FBRSL1: variants seen among roughly 807,000 people sequenced by gnomAD.
FBRSL1 encodes the protein fibrosin like 1, also known as fibrosin-1-like protein.
FBRSL1 carries 51 observed loss-of-function variants against 89.6 expected under a neutral mutation model. The ratio of observed to expected loss-of-function variants is 0.57; its 90% CI spans 0.45 to 0.72. FBRSL1 has a LOEUF of 0.72. Ranked by LOEUF, FBRSL1 falls within the 30% of genes least tolerant of loss-of-function variation. The pLI, the probability that FBRSL1 is intolerant of heterozygous loss-of-function variation, is 0.00. For synonymous variants in FBRSL1, 779 were observed against 681.1 expected (o/e 1.14, Z -2.24); for missense variants, 1,618 against 1,451.8 (o/e 1.11, Z -1.86).
At chr12:132,571,725 G>A (rs1002635434) in intron 9 of FBRSL1, 199 of 378,428 alleles carry the variant, frequency 5.3e-4, no homozygotes, top group Non-Finnish European at 1.5e-4. Flanking sequence ...CCCCACCCTC[G>A]GCAGTGGTCC....
rs1251071159 is a variant in FBRSL1, at chr12:132,583,209, G to A, written c.2440G>A (p.Val814Ile). 1.1e-5 allele frequency: 16 copies of A among 1,436,994 alleles called. No individual in the cohort carries two copies. Among genetic ancestry groups the A allele is most frequent in the Admixed American group, 2.6e-5 (1 of 38,344 alleles). 89.0% of individuals were successfully genotyped at this position (1,436,994 alleles called of 1,614,324 possible). The change falls in exon 19 of 19, where the codon GTC (valine) becomes ATC (isoleucine). Residue 814 changes from valine (V) to isoleucine (I), a missense_variant. By Grantham distance (29) the Val-to-Ile change is conservative. Coordinates refer to ENST00000680143, the MANE Select transcript of FBRSL1 (RefSeq NM_001367871.1). ...CAAGGCGGCCCCTGGAGACGTGAAGGTCAAGGAGGAGCGCGGGGAGGACGA... is the reference window on the plus strand; with the variant it reads ...CAAGGCGGCCCCTGGAGACGTGAAGATCAAGGAGGAGCGCGGGGAGGACGA... Reference protein sequence around the residue: ...HSKAAPGDVKVKEERGEDEAS... With the variant: ...HSKAAPGDVKIKEERGEDEAS...
At chr12:132,574,288 C>G (rs957836232) in intron 12 of FBRSL1, 31 bp from the exon 13 acceptor site, 4 of 1,510,754 alleles carry the variant, frequency 2.6e-6, no homozygotes, top group Non-Finnish European at 3.5e-6. Flanking sequence ...CTGAGGGGCC[C>G]GGACCTCACA....
rs1237396256 is a variant in FBRSL1 at position 132,510,529 on chromosome 12, C to T, written c.489+2179C>T. 8.1e-6 allele frequency: 10 copies of T among 1,231,498 alleles called. No homozygotes were observed. The East Asian group carries it at 9.5e-5, about 12-fold the overall frequency. 76.3% of individuals were successfully genotyped at this position (1,231,498 alleles called of 1,614,324 possible). ...CTGGCAGGGCCCCAAGGGCCAAGGC[C>T]GCATTGCCCTTCGGGCTGGAGATGC... On this transcript the variant is annotated intron_variant, in intron 2 of 18. Transcript: ENST00000680143.
rs1254162213 is a variant in FBRSL1, at chr12:132,584,016, A to AGAAGT, written c.*240_*244dup. 4 of 237,210 alleles carry AGAAGT rather than the reference A, an allele frequency of 1.7e-5. No individual in the cohort carries two copies. Among genetic ancestry groups the AGAAGT allele is most frequent in the African/African-American group, 9.2e-5 (4 of 43,710 alleles). The allele number at this position is 237,210 out of a possible 1,614,324, so 14.7% of individuals were successfully genotyped here. On this transcript the variant is annotated 3_prime_UTR_variant, in exon 19 of 19. Transcript: ENST00000680143. ...TTTGTACCTTTTCCCCCCACAGATG[A>AGAAGT]GAAGTGTTTGTAATGGATTTGTATT...
At position 132,583,552 on chromosome 12, in the gene FBRSL1, T is replaced by C. The variant is rs1194072132; in HGVS notation, c.2783T>C (p.Leu928Pro). 2 of 1,041,382 alleles carry C rather than the reference T, an allele frequency of 1.9e-6. No homozygotes were observed. Among genetic ancestry groups the C allele is most frequent in the Non-Finnish European group, 2.3e-6 (2 of 865,344 alleles). The allele number at this position is 1,041,382 out of a possible 1,614,324, so 64.5% of individuals were successfully genotyped here. A position where few individuals can be genotyped will look rare whatever the true frequency, so the allele number is the denominator to read the frequency against. The stretch of plus-strand genomic sequence containing the variant: ...GCGCTGCTGCCCTCGCTGGGAGCCC[T>C]GCACTTCCCGCGCCTCTCGCCCGCC... ...DGALLPSLGALHFPRLSPAAL... is the reference protein window; with the variant it reads ...DGALLPSLGAPHFPRLSPAAL... The change falls in exon 19 of 19, where the codon CTG becomes CCG. Residue 928 changes from leucine (L) to proline (P), a missense_variant. Coordinates refer to ENST00000680143, the MANE Select transcript of FBRSL1 (RefSeq NM_001367871.1).
At chr12:132,521,953 C>T (rs536408842) in intron 2 of FBRSL1, among the ~76,000 whole-genome samples, 152 of 152,126 alleles carry the variant, frequency 1.0e-3, no homozygotes, top group African/African-American at 3.6e-3. Flanking sequence ...GCGATGAGTC[C>T]GTGTGCATGG....
chr12:132,581,688 G>A, intron 16 of FBRSL1, 53 bp from the exon 17 acceptor site: 1 of 1,530,270 alleles, frequency 6.5e-7, no homozygotes, highest in South Asian at 1.2e-5. Context: ...GGGCCAGGTG[G>A]GAGCCGCAGC....
At chr12:132,494,714 C>T (rs562659289) in intron 1 of FBRSL1, among the ~76,000 whole-genome samples, 1 of 152,364 alleles carries the variant, frequency 6.6e-6, no homozygotes, top group Non-Finnish European at 1.5e-5. Flanking sequence ...GTCCACACGT[C>T]AAGCTCCATA....
Position 132,583,719 on chromosome 12 carries a change from C to T in FBRSL1, c.2950C>T (p.Pro984Ser). The stretch of plus-strand genomic sequence containing the variant: ...GACTACTCCGCTGGGGGGCCTCGGG[C>T]CGGGCGAGGCGCGCGACTACTCCCC... ...SRTTPLGGLG[P>S]GEARDYSPSR... Residue 984 changes from proline (P) to serine (S), a missense_variant, in exon 19 of 19, where the codon CCG becomes TCG. By Grantham distance (74) the Pro-to-Ser change is moderately conservative. Transcript: ENST00000680143. 1.7e-6 allele frequency: 2 copies of T among 1,208,586 alleles called. No individual in the cohort carries two copies. Among genetic ancestry groups the T allele is most frequent in the Non-Finnish European group, 1.0e-6 (1 of 973,000 alleles). The allele number at this position is 1,208,586 out of a possible 1,614,324, so 74.9% of individuals were successfully genotyped here.
intron 4 of FBRSL1, among the ~76,000 whole-genome samples, chr12:132,538,850 G>A (rs1187220920): frequency 6.6e-6 from 1 of 152,180 alleles, no homozygotes; most frequent in African/African-American, 2.4e-5. Flanking sequence ...CCACCACCCG[G>A]TTATCTTGTG....
intron 4 of FBRSL1, among the ~76,000 whole-genome samples, chr12:132,544,169 C>T (rs1031359563): frequency 6.6e-6 from 1 of 152,154 alleles, no homozygotes; most frequent in Non-Finnish European, 1.5e-5. Context: ...CCCCGAGCCT[C>T]GGTGCGGCTT....
At chr12:132,505,767 A>G (rs1417753276) in intron 1 of FBRSL1, among the ~76,000 whole-genome samples, 1 of 152,230 alleles carries the variant, frequency 6.6e-6, no homozygotes, top group Non-Finnish European at 1.5e-5. Context: ...GGCGAAGCCC[A>G]CAGGGCCAGC....
chr12:132,511,970 T>C, intron 2 of FBRSL1: 11 of 985,488 alleles, frequency 1.1e-5, no homozygotes, highest in Non-Finnish European at 1.3e-5. Context: ...CGTTTGTAAT[T>C]TAAACAGACG....
chr12:132,513,544 C>T (rs2034560417), intron 2 of FBRSL1, among the ~76,000 whole-genome samples: 1 of 152,204 alleles, frequency 6.6e-6, no homozygotes, highest in Non-Finnish European at 1.5e-5. Context: ...ACCATCAGCC[C>T]TCTGGTCACC....
At chr12:132,501,665 G>A (rs550366233) in intron 1 of FBRSL1, among the ~76,000 whole-genome samples, 4 of 152,240 alleles carry the variant, frequency 2.6e-5, no homozygotes, top group Non-Finnish European at 4.4e-5. Context: ...GCAAATGCAC[G>A]GCCCATTCCT....
chr12:132,525,884 C>T (rs2035751112), intron 3 of FBRSL1, 61 bp downstream of exon 3: 1 of 1,376,142 alleles, frequency 7.3e-7, no homozygotes, highest in Admixed American at 2.0e-5. Flanking sequence ...CCGCTGCGCC[C>T]CGCACAAGGG....
At chr12:132,509,819 C>T in intron 2 of FBRSL1, 1 of 1,231,566 alleles carries the variant, frequency 8.1e-7, no homozygotes, top group Non-Finnish European at 1.0e-6. Flanking sequence ...TAGCCCAGTG[C>T]CAGCGGTACC....
Position 132,567,513 on chromosome 12 carries a change from G to C in FBRSL1, c.678G>C (p.Pro226=), listed in dbSNP as rs116574820. The C allele has an allele frequency of 6.4e-7, 1 of 1,551,052 alleles. No homozygotes were observed. ...ASVGSEKLFA[P]GTDKGPALEK... ...TGGGCTCTGAGAAGCTCTTTGCGCC[G>C]GGAACCGATAAAGGTAAGTGGGTCC... Residue 226 remains proline, a synonymous_variant, in exon 6 of 19, where the codon CCG becomes CCC. Transcript: ENST00000680143.
At chr12:132,523,385 T>C (rs2035528065) in intron 2 of FBRSL1, among the ~76,000 whole-genome samples, 1 of 152,114 alleles carries the variant, frequency 6.6e-6, no homozygotes, top group South Asian at 2.1e-4. Context: ...ACGACCGGCC[T>C]GGCCACCTTT....
Sources: allele counts gnomAD v4.1 joint callset (sites outside exome capture counted in the v4.1 genomes callset), GRCh38; gene constraint gnomAD v4.1.1; transcripts MANE v1.5; gene names NCBI Gene and HGNC (gene_info 2026-07-23, HGNC 2026-07-21).